The following RBBP8NL variants were observed in gnomAD, a reference collection of about 807,000 sequenced individuals.
RBBP8NL encodes RBBP8 N-terminal-like protein.
In RBBP8NL, 59 loss-of-function variants were observed where a neutral mutation model predicts 62.2. The observed-to-expected ratio is 0.95, with a 90% CI of 0.77 to 1.18. The LOEUF is 1.18. Among genes scored for constraint, RBBP8NL ranks in the 50% most tolerant of loss-of-function variants. The pLI, the probability that RBBP8NL is intolerant of heterozygous loss-of-function variation, is 0.00. For synonymous variants in RBBP8NL, 412 were observed against 394.1 expected (o/e 1.05, Z -0.54); for missense variants, 896 against 899.5 (o/e 1.00, Z 0.05).
intron 10 of RBBP8NL, 110 bp from the exon 11 acceptor site, chr20:62,413,655 G>A (rs1569023595): frequency 1.4e-6 from 2 of 1,406,710 alleles, no homozygotes; most frequent in Non-Finnish European, 1.9e-6. Flanking sequence ...TGGTGGAGGG[G>A]CCTGCCTTTC....
chr20:62,415,514 G>A, intron 8 of RBBP8NL, 64 bp downstream of exon 8: 4 of 1,539,828 alleles, frequency 2.6e-6, no homozygotes, highest in Admixed American at 3.3e-5. Flanking sequence ...AAGTGCAGCT[G>A]CCTCCAGCCT....
chr20:62,417,001 C>A (rs931957908), intron 4 of RBBP8NL, 129 bp from the exon 5 acceptor site: 19 of 777,644 alleles, frequency 2.4e-5, no homozygotes, highest in Admixed American at 2.7e-5. Context: ...CCCCAGGCCT[C>A]TTCCCACCCC....
rs564079274 is a variant in RBBP8NL at position 62,412,734 on chromosome 20, G to A, written c.1766C>T (p.Ala589Val). Residue 589 changes from alanine to valine, a missense_variant, in exon 13 of 14, where the codon GCG becomes GTG. Physicochemically the swap from Ala to Val is moderately conservative, Grantham distance 64. Coordinates refer to ENST00000252998, the MANE Select transcript of RBBP8NL (RefSeq NM_080833.3). ...CCCGGTCGTGCTCGTAGTGGCCTCC[G>A]CCTGGGAGCTCAGGCCCACCTGGGG... ...PGSEVGLSSQ[A>V]EATTSTTGEG... 184 of 1,611,910 alleles carry A rather than the reference G, an allele frequency of 1.1e-4. No homozygotes were observed. Among genetic ancestry groups the A allele is most frequent in the Admixed American group, 2.0e-4 (12 of 60,024 alleles).
chr20:62,416,154 TC>T lies in RBBP8NL; in HGVS notation c.386+9del. 1 of 1,609,786 alleles carries T rather than the reference TC, an allele frequency of 6.2e-7. No homozygotes were observed. Among genetic ancestry groups the T allele is most frequent in the South Asian group, 1.1e-5 (1 of 90,066 alleles). On this transcript the variant is annotated intron_variant, in intron 6 of 13. Coordinates refer to ENST00000252998, the MANE Select transcript of RBBP8NL (RefSeq NM_080833.3). The stretch of plus-strand genomic sequence containing the variant: ...TGGGTGTCTGAGCCCTGGGACCCTT[TC>T]CCACTCACCCCAGGCCCCGAAGCCG...
intron 11 of RBBP8NL, among the ~76,000 whole-genome samples, 161 bp from the exon 12 acceptor site, chr20:62,413,061 G>A (rs935793889): frequency 6.6e-6 from 1 of 152,282 alleles, no homozygotes; most frequent in African/African-American, 2.4e-5. Context: ...GAGGCCGACT[G>A]GGGTTTGGGC....
rs1313237925 is a variant in RBBP8NL, at chr20:62,419,477, G to C, written c.61+110C>G. 12 of 1,179,716 alleles carry C rather than the reference G, an allele frequency of 1.0e-5. No individual in the cohort carries two copies. The Admixed American group carries it at 2.2e-4, about 21-fold the overall frequency. 73.1% of individuals were successfully genotyped at this position (1,179,716 alleles called of 1,614,324 possible). ...GCCAAAAAGACGGGGTCCATTCCCT[G>C]ACTTGGTGGGAATTGGAGGTGATCA... On this transcript the variant is annotated intron_variant, in intron 2 of 13. Coordinates refer to ENST00000252998, the MANE Select transcript of RBBP8NL (RefSeq NM_080833.3).
In RBBP8NL at chr20:62,414,433, G is replaced by A; in HGVS notation, c.918C>T (p.Ser306=). 6.6e-7 allele frequency: 1 copy of A among 1,518,668 alleles called. No homozygotes were observed. The highest frequency in any genetic ancestry group is 8.9e-7 in the Non-Finnish European group (1 of 1,127,282). 94.1% of individuals were successfully genotyped at this position (1,518,668 alleles called of 1,614,324 possible). A position where few individuals can be genotyped will look rare whatever the true frequency, so the allele number is the denominator to read the frequency against. Residue 306 remains serine (S), a synonymous_variant, in exon 10 of 14, where the codon AGC becomes AGT. Transcript: ENST00000252998. ...TGGGGGCTGCAGCAGGGGCCAGGGG[G>A]CTGCTGTGGGGGCTCTGAAGGTGCA... The part of the protein sequence containing the change: ...LSLHLQSPHS[S]PLAPAAAPSD...
chr20:62,420,921 C>G (rs903265778), intron 1 of RBBP8NL, among the ~76,000 whole-genome samples: 1 of 152,270 alleles, frequency 6.6e-6, no homozygotes, highest in African/African-American at 2.4e-5. Context: ...GCCTGGGGAC[C>G]TGGGCTGGAG....
chr20:62,419,077 C>A (rs1048130722), intron 2 of RBBP8NL, among the ~76,000 whole-genome samples: 5 of 152,038 alleles, frequency 3.3e-5, no homozygotes, highest in African/African-American at 1.2e-4. Context: ...GGGCCTGGGG[C>A]GTGTCCTAGA....
chr20:62,418,531 C>G, intron 2 of RBBP8NL, 66 bp from the exon 3 acceptor site: 3 of 1,451,118 alleles, frequency 2.1e-6, no homozygotes, highest in South Asian at 1.2e-5. Context: ...GTGTCCCCAC[C>G]ACGGGGTCTG....
chr20:62,415,562 C>A lies in RBBP8NL; in HGVS notation c.627+16G>T, dbSNP rs140575745. 3.1e-6 allele frequency: 5 copies of A among 1,612,228 alleles called. No homozygotes were observed. The highest frequency in any genetic ancestry group is 4.2e-6 in the Non-Finnish European group (5 of 1,179,630). On this transcript the variant is annotated intron_variant, in intron 8 of 13. Coordinates refer to ENST00000252998, the MANE Select transcript of RBBP8NL (RefSeq NM_080833.3). ...GGCCCAGCTGCACATGGTGGGCTCCCGGTCCCTGCCCTTACCATGTCTGGG... is the reference window on the plus strand; with the variant it reads ...GGCCCAGCTGCACATGGTGGGCTCCAGGTCCCTGCCCTTACCATGTCTGGG...
intron 9 of RBBP8NL, 44 bp from the exon 10 acceptor site, chr20:62,414,600 G>T: frequency 7.2e-7 from 1 of 1,387,966 alleles, no homozygotes; most frequent in Non-Finnish European, 9.4e-7. Flanking sequence ...GTGTGGAGCC[G>T]TGACCGTCCC....
At chr20:62,422,674 C>T (rs6061236) in intron 1 of RBBP8NL, among the ~76,000 whole-genome samples, 66,595 of 100,636 alleles carry the variant, frequency 0.66, 19,270 homozygotes, top group South Asian at 0.71. Context: ...GGATGGGGAC[C>T]GGGGTGGGGA....
rs1292033030 is a variant in RBBP8NL, at chr20:62,416,830, C to G, written c.243G>C (p.Glu81Asp). The G allele has an allele frequency of 5.7e-6, 9 of 1,583,874 alleles. No individual in the cohort carries two copies. The highest frequency in any genetic ancestry group is 6.9e-6 in the Non-Finnish European group (8 of 1,164,726). Residue 81 changes from glutamate (E) to aspartate (D), a missense_variant, in exon 5 of 14, where the codon GAG (glutamate) becomes GAC (aspartate). Glu to Asp is a conservative substitution (Grantham distance 45). Transcript: ENST00000252998. ...GLCDRCMVTQ[E>D]LARKRQQEFE... Reference sequence around the variant, plus strand: ...ACTCCTGCTGCCGCTTCCTGGCCAGCTCCTGGGTGACCATGCAGCGGTCGC... The same window carrying G: ...ACTCCTGCTGCCGCTTCCTGGCCAGGTCCTGGGTGACCATGCAGCGGTCGC...
Position 62,416,875 on chromosome 20 carries a change from G to A in RBBP8NL, c.201-3C>T, listed in dbSNP as rs1384566199. 1.3e-6 allele frequency: 2 copies of A among 1,551,350 alleles called. No individual in the cohort carries two copies. The highest frequency in any genetic ancestry group is 1.9e-5 in the Admixed American group (1 of 52,276). ...GGTCGCACAGGCCGGCCCGCAGCCT[G>A]CAGGGATGGGGACGCAGGGGGTGTG... On this transcript the variant is annotated splice_region_variant and splice_polypyrimidine_tract_variant and intron_variant, in intron 4 of 13. Coordinates refer to ENST00000252998, the MANE Select transcript of RBBP8NL (RefSeq NM_080833.3).
At chr20:62,417,716 C>T (rs374371902) in intron 3 of RBBP8NL, among the ~76,000 whole-genome samples, 3 of 80,126 alleles carry the variant, frequency 3.7e-5, no homozygotes, top group East Asian at 4.2e-4. Flanking sequence ...GTCCACGCAA[C>T]GCCCCCCCAG....
intron 1 of RBBP8NL, among the ~76,000 whole-genome samples, chr20:62,424,894 C>A (rs1250303221): frequency 6.6e-6 from 1 of 152,168 alleles, no homozygotes; most frequent in Non-Finnish European, 1.5e-5. Context: ...CCCCCCCCAC[C>A]CGCTGAGCTG....
chr20:62,420,868 A>G (rs2146443851), intron 1 of RBBP8NL, among the ~76,000 whole-genome samples: 1 of 152,376 alleles, frequency 6.6e-6, no homozygotes, highest in Middle Eastern at 3.4e-3. Context: ...GGTCTCACGG[A>G]CTAAGGCCAG....
chr20:62,425,442 G>A (rs1988783883), intron 1 of RBBP8NL, among the ~76,000 whole-genome samples: 1 of 152,218 alleles, frequency 6.6e-6, no homozygotes, highest in Non-Finnish European at 1.5e-5. Flanking sequence ...CATCTCTGTG[G>A]CTACACCCAG....
Sources: gnomAD v4.1 joint callset for allele counts (sites outside exome capture counted in the v4.1 genomes callset) on GRCh38, gnomAD v4.1.1 for gene constraint, MANE v1.5 for transcripts, NCBI Gene and HGNC (gene_info 2026-07-23, HGNC 2026-07-21) for gene names.